ZNF462: variants seen among roughly 807,000 people sequenced by gnomAD.
The protein encoded by ZNF462 is zinc finger PBX1-interacting protein.
In ZNF462, 10 loss-of-function variants were observed where a neutral mutation model predicts 201.9. That is an observed-to-expected ratio of 0.05 (90% confidence interval 0.03 to 0.08). The LOEUF (loss-of-function observed/expected upper bound fraction) is 0.08. Among genes scored for constraint, ZNF462 ranks in the 10% least tolerant of loss-of-function variants. The pLI is 1.00. For missense variants in ZNF462, 2,523 were observed against 3,168.3 expected (o/e 0.80, Z 4.89); for synonymous variants, 1,227 against 1,193.3 (o/e 1.03, Z -0.58).
In ZNF462 at chr9:107,011,987, A is replaced by C. The variant is rs1829945223; in HGVS notation, c.*957A>C. On this transcript the variant is annotated 3_prime_UTR_variant, in exon 13 of 13. Coordinates refer to ENST00000277225, the MANE Select transcript of ZNF462 (RefSeq NM_021224.6). This position sits in a 1 kb window ranked among gnomAD's most constrained non-coding sequence, Gnocchi z 5.6. ...CAGCACAATTCAGTTTTTCATATGAATTGTTTTTCGTGTGTGTGTTGTTAT... is the reference window on the plus strand; with the variant it reads ...CAGCACAATTCAGTTTTTCATATGACTTGTTTTTCGTGTGTGTGTTGTTAT... 1 of 151,574 alleles carries C rather than the reference A, an allele frequency of 6.6e-6. No individual in the cohort carries two copies. Among genetic ancestry groups the C allele is most frequent in the South Asian group, 2.1e-4 (1 of 4,822 alleles). 9.4% of individuals were successfully genotyped at this position (151,574 alleles called of 1,614,324 possible). A position where few individuals can be genotyped will look rare whatever the true frequency, so the allele number is the denominator to read the frequency against.
Position 106,872,614 on chromosome 9 carries a change from C to T in ZNF462, c.-31+9259C>T, listed in dbSNP as rs768091489. Among the ~76,000 whole-genome samples the T allele has an allele frequency of 6.6e-6, 1 of 152,160 alleles. No homozygotes were observed. The highest frequency in any genetic ancestry group is 2.4e-5 in the African/African-American group (1 of 41,438). ...CTGAGCTCAGGCAATCTGCCTGCCT[C>T]GGCCTTCCAAAGTGCTACGACTACA... On this transcript the variant is annotated intron_variant, in intron 1 of 12. Coordinates refer to ENST00000277225, the MANE Select transcript of ZNF462 (RefSeq NM_021224.6). The surrounding 1 kb of genome is among the most constrained non-coding windows in gnomAD (Gnocchi z 4.5).
intron 7 of ZNF462, among the ~76,000 whole-genome samples, chr9:106,947,722 G>A (rs926396816): frequency 1.4e-4 from 22 of 152,266 alleles, no homozygotes; most frequent in Admixed American, 3.9e-4. Flanking sequence ...AAGCATGTAC[G>A]TGGTAGAGCT....
Position 107,006,082 on chromosome 9 carries a change from T to G in ZNF462, c.7189+2656T>G, listed in dbSNP as rs957472162. On this transcript the variant is annotated intron_variant, in intron 11 of 12. Coordinates refer to ENST00000277225, the MANE Select transcript of ZNF462 (RefSeq NM_021224.6). This position sits in a 1 kb window ranked among gnomAD's most constrained non-coding sequence, Gnocchi z 4.3. ...GCCAGTACCATGCTGTTTTGATTAC[T>G]ATAGTTTTGTAGTCAACTTTGAAGT... Among the ~76,000 whole-genome samples, 4 of 152,238 alleles carry G rather than the reference T, an allele frequency of 2.6e-5. No individual in the cohort carries two copies. The highest frequency in any genetic ancestry group is 9.6e-5 in the African/African-American group (4 of 41,462).
chr9:106,868,078 A>AG (rs909607103), intron 1 of ZNF462, among the ~76,000 whole-genome samples: 4 of 151,744 alleles, frequency 2.6e-5, no homozygotes, highest in African/African-American at 4.8e-5. Context: ...TGAACTGAAA[A>AG]AAAAAAAAAA....
Position 106,978,210 on chromosome 9 carries a change from A to C in ZNF462, c.6832+3937A>C, listed in dbSNP as rs1250426038. Among the ~76,000 whole-genome samples, 2 of 151,484 alleles carry C rather than the reference A, an allele frequency of 1.3e-5. No individual in the cohort carries two copies. Among genetic ancestry groups the C allele is most frequent in the African/African-American group, 4.9e-5 (2 of 40,772 alleles). ...AAAGTCTGGGGTTCCAGGTAGACTT[A>C]AGTTTATGGGGGACACTCTTCAACC... is the stretch of plus-strand genomic sequence containing the variant. On this transcript the variant is annotated intron_variant, in intron 9 of 12. Coordinates refer to ENST00000277225, the MANE Select transcript of ZNF462 (RefSeq NM_021224.6). The surrounding 1 kb of genome is among the most constrained non-coding windows in gnomAD (Gnocchi z 4.1).
At chr9:106,918,110 C>T (rs1829851379) in intron 1 of ZNF462, among the ~76,000 whole-genome samples, 1 of 151,980 alleles carries the variant, frequency 6.6e-6, no homozygotes, top group Admixed American at 6.5e-5. Flanking sequence ...CTCCTGACCT[C>T]CTGATTCATC....
chr9:107,011,604 A>G lies in ZNF462; in HGVS notation c.*574A>G, dbSNP rs900412756. 7 of 152,176 alleles carry G rather than the reference A, an allele frequency of 4.6e-5. No homozygotes were observed. The highest frequency in any genetic ancestry group is 1.4e-4 in the African/African-American group (6 of 41,412). 9.4% of individuals were successfully genotyped at this position (152,176 alleles called of 1,614,324 possible). On this transcript the variant is annotated 3_prime_UTR_variant, in exon 13 of 13. Transcript: ENST00000277225. This position sits in a 1 kb window ranked among gnomAD's most constrained non-coding sequence, Gnocchi z 5.6. ...GGAACTCTCTGCATTTGTCAGTACT[A>G]CCTGTCGTCGTTGTGGTTAAATGTA...
At chr9:106,948,661 G>T (rs1040335874) in intron 7 of ZNF462, among the ~76,000 whole-genome samples, 3 of 144,576 alleles carry the variant, frequency 2.1e-5, no homozygotes, top group African/African-American at 5.0e-5. Flanking sequence ...ATTTAGTTTA[G>T]TTTTTTTTTT....
rs949259980 is a variant in ZNF462, at chr9:106,864,057, T to G, written c.-31+702T>G. On this transcript the variant is annotated intron_variant, in intron 1 of 12. Transcript: ENST00000277225. Reference sequence around the variant, plus strand: ...GTATTTGGCTCTCTCTCTCTCTCTCTCTCTCTCTCTCTCTCTCTCTCTCTC... The same window carrying G: ...GTATTTGGCTCTCTCTCTCTCTCTCGCTCTCTCTCTCTCTCTCTCTCTCTC... 8.5e-4 allele frequency among the ~76,000 whole-genome samples: 64 copies of G among 75,104 alleles called. 1 individual carries two copies. The highest frequency in any genetic ancestry group is 2.8e-3 in the Admixed American group (21 of 7,620). 49.3% of individuals were successfully genotyped at this position (75,104 alleles called of 152,430 possible).
intron 10 of ZNF462, among the ~76,000 whole-genome samples, chr9:106,998,345 T>A (rs1828900375): frequency 6.6e-6 from 1 of 152,184 alleles, no homozygotes; most frequent in Admixed American, 6.5e-5. Flanking sequence ...CACATTCATA[T>A]CAGTCTTCTA....
At chr9:106,939,258 A>T in intron 7 of ZNF462, 151 bp downstream of exon 7, 1 of 859,468 alleles carries the variant, frequency 1.2e-6, no homozygotes, top group Non-Finnish European at 1.7e-6. Context: ...ATGGTGTGGA[A>T]GTTGGAGTGG....
intron 1 of ZNF462, among the ~76,000 whole-genome samples, chr9:106,863,577 AGAG>A (rs1391747273): frequency 3.4e-5 from 5 of 146,224 alleles, no homozygotes; most frequent in East Asian, 4.2e-4. Context: ...GGGAGGAGGA[AGAG>A]GAGGAGGAGA....
In ZNF462 at chr9:106,925,684, C is replaced by T; in HGVS notation, c.1772C>T (p.Pro591Leu). ...CCACCAACGCAGCAGCCACAGCCAC[C>T]CACACAAGCCGCACCTCTGCACCCA... ...QPPPTQQPQP[P>L]TQAAPLHPYK... The change falls in exon 3 of 13, where the codon CCC (proline) becomes CTC (leucine). Residue 591 changes from proline (P) to leucine (L), a missense_variant. Physicochemically the swap from Pro to Leu is moderately conservative, Grantham distance 98. This residue lies in a region of ZNF462 where 383 missense variants were observed against 453.4 expected (regional missense o/e 0.84). Coordinates refer to ENST00000277225, the MANE Select transcript of ZNF462 (RefSeq NM_021224.6). The surrounding 1 kb of genome is among the most constrained non-coding windows in gnomAD (Gnocchi z 7.9). The T allele has an allele frequency of 6.2e-7, 1 of 1,614,138 alleles. No homozygotes were observed. The highest frequency in any genetic ancestry group is 8.5e-7 in the Non-Finnish European group (1 of 1,180,028).
At chr9:106,971,815 G>T (rs868833421) in intron 7 of ZNF462, among the ~76,000 whole-genome samples, 190 bp from the exon 8 acceptor site, 70 of 152,198 alleles carry the variant, frequency 4.6e-4, no homozygotes, top group African/African-American at 1.6e-3. Flanking sequence ...ATTGATTGTG[G>T]TCATCATTTC....
intron 10 of ZNF462, among the ~76,000 whole-genome samples, chr9:106,990,330 A>G (rs1429219729): frequency 1.3e-5 from 2 of 151,936 alleles, no homozygotes; most frequent in South Asian, 2.1e-4. Context: ...GGCTCATTCT[A>G]TGGCTCGTCA....
intron 7 of ZNF462, among the ~76,000 whole-genome samples, chr9:106,969,839 G>C (rs1050080900): frequency 6.6e-6 from 1 of 152,184 alleles, no homozygotes; most frequent in Non-Finnish European, 1.5e-5. Flanking sequence ...ATTCTGCAGA[G>C]CTAAGAGTGC....
intron 1 of ZNF462, among the ~76,000 whole-genome samples, chr9:106,879,332 A>C (rs866915004): frequency 0.14 from 9,610 of 70,408 alleles, 4 homozygotes; most frequent in South Asian, 0.16. Flanking sequence ...GATGCTTTCC[A>C]CCCCCCCCCC....
rs1826676507 is a variant in ZNF462, at chr9:106,972,522, G to T, written c.6695+250G>T. ...ATTGGAGCAAATGGGCTCTCAAGTA[G>T]TGTAAGATTGAAGCAAATGATTTCC... On this transcript the variant is annotated intron_variant, in intron 8 of 12. Coordinates refer to ENST00000277225, the MANE Select transcript of ZNF462 (RefSeq NM_021224.6). This position sits in a 1 kb window ranked among gnomAD's most constrained non-coding sequence, Gnocchi z 4.8. Among the ~76,000 whole-genome samples, 1 of 152,196 alleles carries T rather than the reference G, an allele frequency of 6.6e-6. No homozygotes were observed.
rs1488680089 is a variant in ZNF462 at position 106,954,983 on chromosome 9, A to G, written c.6427+15876A>G. On this transcript the variant is annotated intron_variant, in intron 7 of 12. Coordinates refer to ENST00000277225, the MANE Select transcript of ZNF462 (RefSeq NM_021224.6). The surrounding 1 kb of genome is among the most constrained non-coding windows in gnomAD (Gnocchi z 4.0). The stretch of plus-strand genomic sequence containing the variant: ...GTTGTGTCCTGTAAATAGTCATGGT[A>G]GTAAAGTAGTAAATCAAGATTTGAA... 6.6e-6 allele frequency among the ~76,000 whole-genome samples: 1 copy of G among 152,150 alleles called. No individual in the cohort carries two copies. Among genetic ancestry groups the G allele is most frequent in the Non-Finnish European group, 1.5e-5 (1 of 68,024 alleles).
Sources: allele counts gnomAD v4.1 joint callset (sites outside exome capture counted in the v4.1 genomes callset), GRCh38; gene constraint gnomAD v4.1.1; regional missense constraint gnomAD v4.1.1; non-coding constraint Gnocchi (gnomAD v3.1); transcripts MANE v1.5; gene names NCBI Gene and HGNC (gene_info 2026-07-23, HGNC 2026-07-21).